Variants in HCN1 observed in about 807,000 individuals in gnomAD.
HCN1 encodes hyperpolarization activated cyclic nucleotide gated potassium channel 1.
Under a neutral mutation model 78.9 loss-of-function variants are expected in HCN1, and 13 were observed. The ratio of observed to expected loss-of-function variants is 0.16; its 90% confidence interval spans 0.11 to 0.26. The LOEUF is 0.26. Ranked by LOEUF, HCN1 falls within the 10% of genes least tolerant of loss-of-function variation. The pLI is 1.00. For missense variants in HCN1, 810 were observed against 1,154.3 expected, an observed-to-expected ratio of 0.70 and a Z score of 4.32; for synonymous variants, 552 against 455.5, an observed-to-expected ratio of 1.21 and a Z score of -2.70.
At chr5:45,549,912 G>T (rs148010167) in intron 2 of HCN1, among the ~76,000 whole-genome samples, 5 of 151,846 alleles carry the variant, frequency 3.3e-5, no homozygotes, top group African/African-American at 1.2e-4. Flanking sequence ...CATCATCACT[G>T]GCCATCAGAG....
At chr5:45,353,016 G>A (rs138923073) in intron 5 of HCN1, 84 bp downstream of exon 5, 1 of 1,189,400 alleles carries the variant, frequency 8.4e-7, no homozygotes, top group Non-Finnish European at 1.2e-6. Flanking sequence ...TTTCTTTAGA[G>A]TAACGTGGAC....
At chr5:45,547,709 AT>A (rs201349158) in intron 2 of HCN1, among the ~76,000 whole-genome samples, 1,590 of 152,014 alleles carry the variant, frequency 0.01, 25 homozygotes, top group African/African-American at 0.036. Flanking sequence ...GTGTCAAGCC[AT>A]TTTTTTAATA....
chr5:45,503,619 A>AT (rs1742234495), intron 2 of HCN1, among the ~76,000 whole-genome samples: 1 of 152,124 alleles, frequency 6.6e-6, no homozygotes, highest in Non-Finnish European at 1.5e-5. Flanking sequence ...AAATCCTATT[A>AT]TTTTTACAGT....
chr5:45,625,708 TA>T (rs1745151359), intron 2 of HCN1, among the ~76,000 whole-genome samples: 1 of 151,742 alleles, frequency 6.6e-6, no homozygotes, highest in Admixed American at 6.6e-5. Flanking sequence ...GTTAATAAAA[TA>T]GATCAATTCA....
chr5:45,401,256 T>C (rs1739798639), intron 3 of HCN1, among the ~76,000 whole-genome samples: 2 of 152,158 alleles, frequency 1.3e-5, no homozygotes, highest in African/African-American at 4.8e-5. Context: ...TAACCCATTG[T>C]TATTTTTATT....
intron 5 of HCN1, among the ~76,000 whole-genome samples, chr5:45,316,795 G>C (rs1326789703): frequency 6.6e-6 from 1 of 152,198 alleles, no homozygotes; most frequent in Middle Eastern, 3.4e-3. Context: ...GCCAAATCAT[G>C]AGTGAACTCC....
intron 2 of HCN1, among the ~76,000 whole-genome samples, chr5:45,616,073 GAAA>G (rs759056571): frequency 7.7e-6 from 1 of 129,152 alleles, no homozygotes; most frequent in Non-Finnish European, 1.7e-5. Flanking sequence ...TGTTTTTCTT[GAAA>G]AAAAAAAAAA....
chr5:45,558,313 G>A (rs761603833), intron 2 of HCN1: 5 of 152,148 alleles, frequency 3.3e-5, no homozygotes, highest in Non-Finnish European at 7.3e-5. Context: ...GGATGCTGCA[G>A]AAGAAAAGTC....
chr5:45,406,006 G>T (rs1739911369), intron 3 of HCN1, among the ~76,000 whole-genome samples: 1 of 151,982 alleles, frequency 6.6e-6, no homozygotes. Context: ...AGTGATGCTT[G>T]ATATCACAGA....
intron 2 of HCN1, among the ~76,000 whole-genome samples, chr5:45,609,456 C>G (rs1744789780): frequency 6.6e-6 from 1 of 151,982 alleles, no homozygotes; most frequent in Non-Finnish European, 1.5e-5. Flanking sequence ...TATTAATGCT[C>G]AAAATACTGT....
chr5:45,613,037 G>T (rs761160281), intron 2 of HCN1, among the ~76,000 whole-genome samples: 6 of 151,920 alleles, frequency 3.9e-5, no homozygotes, highest in Non-Finnish European at 8.8e-5. Flanking sequence ...AAGTTTTAGG[G>T]TACATGTGCA....
chr5:45,591,052 C>T (rs927382935), intron 2 of HCN1, among the ~76,000 whole-genome samples: 2 of 151,942 alleles, frequency 1.3e-5, no homozygotes, highest in Non-Finnish European at 2.9e-5. Flanking sequence ...AATCCTCCCA[C>T]CTTGGCCTCT....
intron 6 of HCN1, among the ~76,000 whole-genome samples, chr5:45,293,406 G>T (rs1745420474): frequency 6.6e-6 from 1 of 152,090 alleles, no homozygotes; most frequent in African/African-American, 2.4e-5. Context: ...GTGAGGCTTA[G>T]GCGGGAAGAT....
chr5:45,574,061 T>C (rs1164448800), intron 2 of HCN1, among the ~76,000 whole-genome samples: 3 of 152,134 alleles, frequency 2.0e-5, no homozygotes, highest in Non-Finnish European at 4.4e-5. Flanking sequence ...AAAAGGGAAG[T>C]ATATGAATCA....
At chr5:45,263,021 G>T (rs1284791240) in intron 7 of HCN1, among the ~76,000 whole-genome samples, 1 of 152,096 alleles carries the variant, frequency 6.6e-6, no homozygotes, top group Non-Finnish European at 1.5e-5. Flanking sequence ...TTCTACTCAA[G>T]TTGAACGGCC....
intron 3 of HCN1, among the ~76,000 whole-genome samples, chr5:45,441,295 A>G (rs946669771): frequency 6.6e-6 from 1 of 152,072 alleles, no homozygotes; most frequent in Non-Finnish European, 1.5e-5. Flanking sequence ...TATATTTGCC[A>G]TTAGATCAAA....
intron 1 of HCN1, among the ~76,000 whole-genome samples, chr5:45,666,882 A>G (rs891820927): frequency 6.6e-6 from 1 of 152,064 alleles, no homozygotes; most frequent in Non-Finnish European, 1.5e-5. Context: ...CAATATCATG[A>G]AAATGCAGAC....
Position 45,396,513 on chromosome 5 carries a change from C to T in HCN1, c.1209G>A (p.Ser403=), listed in dbSNP as rs759480243. 8 of 1,613,336 alleles carry T rather than the reference C, an allele frequency of 5.0e-6. No homozygotes were observed. In the Admixed American group the frequency reaches 5.0e-5, roughly 10 times the overall value. Residue 403 remains serine (S), a synonymous_variant, in exon 4 of 8, where the codon TCG becomes TCA. Transcript: ENST00000303230. ...ATALIQSLDS[S]RRQYQEKYKQ... ...TTACCTTCTCTTGATACTGCCGCCTCGAAGAATCCAGAGACTGGATTAAAG... is the reference window on the plus strand; with the variant it reads ...TTACCTTCTCTTGATACTGCCGCCTTGAAGAATCCAGAGACTGGATTAAAG...
rs113739761 is a variant in HCN1 at position 45,546,951 on chromosome 5, T to A, written c.850-84944A>T. Among the ~76,000 whole-genome samples, 195 of 152,034 alleles carry A rather than the reference T, an allele frequency of 1.3e-3. 1 individual carries two copies. In the Middle Eastern group the frequency reaches 0.014, roughly 11 times the overall value. Reference sequence around the variant, plus strand: ...AAATGTATGTTTTCAGTCCGCATCGTCTTAGTTTCCCTCTCTTCTATGTCT... The same window carrying A: ...AAATGTATGTTTTCAGTCCGCATCGACTTAGTTTCCCTCTCTTCTATGTCT... On this transcript the variant is annotated intron_variant, in intron 2 of 7. Coordinates refer to ENST00000303230, the MANE Select transcript of HCN1 (RefSeq NM_021072.4).
Sources: allele counts gnomAD v4.1 joint callset (sites outside exome capture counted in the v4.1 genomes callset), GRCh38; gene constraint gnomAD v4.1.1; transcripts MANE v1.5; gene names NCBI Gene and HGNC (gene_info 2026-07-23, HGNC 2026-07-21).